Variants in TAFA2 observed in about 807,000 individuals in gnomAD.
The protein encoded by TAFA2 is TAFA chemokine like family member 2, also known as chemokine-like protein TAFA-2.
Under a neutral mutation model 18.8 loss-of-function variants are expected in TAFA2, and 7 were observed. The ratio of observed to expected loss-of-function variants is 0.37; its 90% CI spans 0.21 to 0.70. The LOEUF is 0.70. Among genes scored for constraint, TAFA2 ranks in the 30% least tolerant of loss-of-function variants. The pLI, the probability that TAFA2 is intolerant of heterozygous loss-of-function variation, is 0.53. For missense variants in TAFA2, 122 were observed against 158.1 expected, an observed-to-expected ratio of 0.77 and a Z score of 1.23; for synonymous variants, 60 against 54.2, an observed-to-expected ratio of 1.11 and a Z score of -0.47.
chr12:61,711,474 AATT>A (rs1285289118), intron 4 of TAFA2, among the ~76,000 whole-genome samples: 7 of 152,082 alleles, frequency 4.6e-5, no homozygotes, highest in African/African-American at 9.7e-5. Flanking sequence ...GATTTTAAAA[AATT>A]ATTGTCAAAA....
chr12:61,843,800 C>T (rs1019037284), intron 2 of TAFA2, among the ~76,000 whole-genome samples: 1 of 152,060 alleles, frequency 6.6e-6, no homozygotes, highest in African/African-American at 2.4e-5. Flanking sequence ...TTTGATCTCT[C>T]AAAAAATGTA....
chr12:61,998,045 C>G (rs1880258286), intron 1 of TAFA2, among the ~76,000 whole-genome samples: 2 of 151,680 alleles, frequency 1.3e-5, no homozygotes, highest in African/African-American at 4.9e-5. Context: ...ATTACACAGT[C>G]AGGAGGGAAA....
At chr12:61,777,185 G>C (rs970595201) in intron 2 of TAFA2, among the ~76,000 whole-genome samples, 8 of 151,878 alleles carry the variant, frequency 5.3e-5, no homozygotes, top group Non-Finnish European at 1.2e-4. Flanking sequence ...CAGCCTTCTG[G>C]GGGGAAGCAG....
At position 62,237,839 on chromosome 12, in the gene TAFA2, A is replaced by G. The variant is rs534433497; in HGVS notation, c.-130+20924T>C. On this transcript the variant is annotated intron_variant, in intron 1 of 5. Coordinates refer to the TAFA2 transcript ENST00000551619. Reference sequence around the variant, plus strand: ...CAGATTAGGGGTTACAGGGTCCCAAAGGGGATACCCTGATTGTGTGGGAAG... The same window carrying G: ...CAGATTAGGGGTTACAGGGTCCCAAGGGGGATACCCTGATTGTGTGGGAAG... Among the ~76,000 whole-genome samples, 122 of 152,326 alleles carry G rather than the reference A, an allele frequency of 8.0e-4. 1 individual carries two copies. Among genetic ancestry groups the G allele is most frequent in the African/African-American group, 2.6e-3 (107 of 41,570 alleles).
intron 1 of TAFA2, among the ~76,000 whole-genome samples, chr12:62,100,329 C>G (rs1869140599): frequency 6.6e-6 from 1 of 152,098 alleles, no homozygotes; most frequent in Non-Finnish European, 1.5e-5. Context: ...TGTCAGAGGC[C>G]TCCTTGGTTT....
intron 1 of TAFA2, among the ~76,000 whole-genome samples, chr12:62,177,084 T>G (rs1324122456): frequency 6.6e-6 from 1 of 152,180 alleles, no homozygotes; most frequent in Admixed American, 6.5e-5. Context: ...GTTGGTCAGG[T>G]TTTAAATTCT....
chr12:61,890,843 T>A lies in TAFA2; in HGVS notation c.-1-23417A>T, dbSNP rs144953753. Among the ~76,000 whole-genome samples the A allele has an allele frequency of 1.1e-3, 175 of 152,300 alleles. 2 individuals carry two copies. Among genetic ancestry groups the A allele is most frequent in the African/African-American group, 4.1e-3 (169 of 41,578 alleles). ...TTTCCTTGGTGCTGATTGCTGTTTT[T>A]CCACCCATGTATCCTCCTCAACATC... is the stretch of plus-strand genomic sequence containing the variant. On this transcript the variant is annotated intron_variant, in intron 1 of 4. Transcript: ENST00000416284.
chr12:62,070,752 T>A (rs577055758), intron 1 of TAFA2, among the ~76,000 whole-genome samples: 1 of 152,272 alleles, frequency 6.6e-6, no homozygotes, highest in South Asian at 2.1e-4. Context: ...TAGTATATTA[T>A]AAGCTGTCAC....
At chr12:61,744,165 A>G (rs1868586613) in intron 4 of TAFA2, among the ~76,000 whole-genome samples, 1 of 152,158 alleles carries the variant, frequency 6.6e-6, no homozygotes, top group Non-Finnish European at 1.5e-5. Context: ...CACTTAGTTC[A>G]TAGAACAGAA....
At chr12:62,197,812 A>G (rs775857591) in intron 1 of TAFA2, among the ~76,000 whole-genome samples, 1 of 152,192 alleles carries the variant, frequency 6.6e-6, no homozygotes, top group Non-Finnish European at 1.5e-5. Flanking sequence ...GTAGTATTTC[A>G]CATTGTAGAT....
At chr12:62,168,615 T>G (rs1411275861) in intron 1 of TAFA2, among the ~76,000 whole-genome samples, 1 of 152,054 alleles carries the variant, frequency 6.6e-6, no homozygotes, top group Admixed American at 6.6e-5. Flanking sequence ...CAGAAGGATC[T>G]CTTAAGCCCA....
At chr12:62,189,537 T>G (rs1214383575) in intron 1 of TAFA2, among the ~76,000 whole-genome samples, 1 of 152,168 alleles carries the variant, frequency 6.6e-6, no homozygotes, top group East Asian at 1.9e-4. Flanking sequence ...TATAGGATGT[T>G]AGGTGCCAAT....
chr12:61,828,165 G>C (rs1037848446), intron 2 of TAFA2, among the ~76,000 whole-genome samples: 7 of 151,874 alleles, frequency 4.6e-5, no homozygotes, highest in Non-Finnish European at 8.8e-5. Context: ...AGCAGCATTT[G>C]ATCAATCCTT....
intron 1 of TAFA2, among the ~76,000 whole-genome samples, chr12:62,206,717 G>A (rs1245654): frequency 0.88 from 133,254 of 152,126 alleles, 58,468 homozygotes; most frequent in Middle Eastern, 0.93. Flanking sequence ...GGCTCAAGTG[G>A]TCCTCCCACC....
At position 62,218,645 on chromosome 12, in the gene TAFA2, C is replaced by T. The variant is rs930703055; in HGVS notation, c.-130+40118G>A. ...CTCTATATTTTATAATATAGTACTA[C>T]TATCTTTACGATCTTTATAGCTTTA... On this transcript the variant is annotated intron_variant, in intron 1 of 5. Transcript: ENST00000551619. Among the ~76,000 whole-genome samples the T allele has an allele frequency of 5.9e-5, 9 of 152,164 alleles. No homozygotes were observed. In the East Asian group the frequency reaches 1.5e-3, roughly 26 times the overall value.
chr12:62,025,381 T>A (rs2136736628), intron 1 of TAFA2, among the ~76,000 whole-genome samples: 1 of 151,974 alleles, frequency 6.6e-6, no homozygotes, highest in South Asian at 2.1e-4. Context: ...GTAACAAAAC[T>A]GCACATGTAC....
At chr12:61,776,810 A>C (rs1870282912) in intron 2 of TAFA2, among the ~76,000 whole-genome samples, 1 of 151,940 alleles carries the variant, frequency 6.6e-6, no homozygotes, top group African/African-American at 2.4e-5. Flanking sequence ...TACTATCTAA[A>C]CCCTATATTG....
chr12:61,949,479 A>G (rs1878391570), intron 1 of TAFA2, among the ~76,000 whole-genome samples: 1 of 152,114 alleles, frequency 6.6e-6, no homozygotes, highest in South Asian at 2.1e-4. Flanking sequence ...GATAACAGAC[A>G]GCCAGTCAAT....
At chr12:62,224,954 C>T (rs2062779593) in intron 1 of TAFA2, among the ~76,000 whole-genome samples, 1 of 152,000 alleles carries the variant, frequency 6.6e-6, no homozygotes, top group Non-Finnish European at 1.5e-5. Flanking sequence ...TTAAAAAGGG[C>T]TTAGTTCCAC....
Sources: gnomAD v4.1 joint callset for allele counts (sites outside exome capture counted in the v4.1 genomes callset) on GRCh38, gnomAD v4.1.1 for gene constraint, MANE v1.5 for transcripts, NCBI Gene and HGNC (gene_info 2026-07-23, HGNC 2026-07-21) for gene names.